The following CNOT6 variants were observed in gnomAD, a reference collection of about 807,000 sequenced individuals.
CNOT6 encodes the protein CCR4-NOT transcription complex subunit 6.
Under a neutral mutation model 61.2 loss-of-function variants are expected in CNOT6, and 12 were observed. The observed-to-expected ratio is 0.20, with a 90% CI of 0.13 to 0.32. CNOT6 has a LOEUF of 0.32. CNOT6 is among the 10% of genes least tolerant of loss of function. CNOT6 has a pLI of 1.00. For missense variants in CNOT6, 405 were observed against 663.9 expected, an observed-to-expected ratio of 0.61 and a Z score of 4.28; for synonymous variants, 225 against 240.6, an observed-to-expected ratio of 0.94 and a Z score of 0.60.
chr5:180,494,899 G>T (rs1756523767), intron 1 of CNOT6, 136 bp downstream of exon 1: 1 of 152,020 alleles, frequency 6.6e-6, no homozygotes. Flanking sequence ...TCCGCAAGCT[G>T]GCGGCTGTTG....
At chr5:180,512,110 C>T (rs1246822405) in intron 1 of CNOT6, among the ~76,000 whole-genome samples, 3 of 152,198 alleles carry the variant, frequency 2.0e-5, no homozygotes, top group African/African-American at 7.2e-5. Context: ...TTTTAGTCTA[C>T]TTGTGAAAGC....
intron 1 of CNOT6, among the ~76,000 whole-genome samples, chr5:180,524,445 CT>C (rs1006476110): frequency 9.4e-5 from 14 of 148,156 alleles, no homozygotes; most frequent in African/African-American, 2.0e-4. Flanking sequence ...TTATTCTAGC[CT>C]TTTTTTTTTA....
At chr5:180,565,010 A>G (rs1047334773) in intron 6 of CNOT6, among the ~76,000 whole-genome samples, 2 of 152,212 alleles carry the variant, frequency 1.3e-5, no homozygotes, top group Admixed American at 6.5e-5. Context: ...GACAATTTTG[A>G]TGGTCGTAAC....
intron 1 of CNOT6, among the ~76,000 whole-genome samples, chr5:180,508,717 A>T (rs1757243551): frequency 6.6e-6 from 1 of 151,878 alleles, no homozygotes; most frequent in Non-Finnish European, 1.5e-5. Context: ...CAATCTCTAG[A>T]GCTCAAGCAA....
chr5:180,513,600 C>A (rs1011094980), intron 1 of CNOT6, among the ~76,000 whole-genome samples: 4 of 151,970 alleles, frequency 2.6e-5, no homozygotes, highest in Non-Finnish European at 5.9e-5. Context: ...TCTTGAACTC[C>A]TGACCTCGTG....
chr5:180,565,186 G>A (rs947892170), intron 6 of CNOT6, among the ~76,000 whole-genome samples: 2 of 152,202 alleles, frequency 1.3e-5, no homozygotes, highest in African/African-American at 4.8e-5. Flanking sequence ...CACTTAAAAT[G>A]AATACACCCA....
chr5:180,549,566 A>G (rs375678794), intron 2 of CNOT6, among the ~76,000 whole-genome samples: 197 of 152,104 alleles, frequency 1.3e-3, no homozygotes, highest in Non-Finnish European at 1.5e-3. Context: ...GGAGAATGGC[A>G]TGAACCCGGG....
intron 1 of CNOT6, chr5:180,495,276 G>C (rs1352685219): frequency 6.6e-6 from 1 of 152,258 alleles, no homozygotes; most frequent in African/African-American, 2.4e-5. Context: ...GGGAGAGGAC[G>C]GGGTGGATTA....
intron 2 of CNOT6, among the ~76,000 whole-genome samples, chr5:180,536,397 G>A (rs1758701894): frequency 6.6e-6 from 1 of 152,036 alleles, no homozygotes; most frequent in Admixed American, 6.6e-5. Flanking sequence ...TCATTCTGTA[G>A]TGTTAATTAT....
intron 7 of CNOT6, 46 bp from the exon 8 acceptor site, chr5:180,567,042 C>A: frequency 1.3e-6 from 2 of 1,540,444 alleles, no homozygotes; most frequent in Non-Finnish European, 1.8e-6. Flanking sequence ...AATATGCAGA[C>A]TAATTTTTGT....
intron 1 of CNOT6, among the ~76,000 whole-genome samples, chr5:180,500,060 G>A (rs11957507): frequency 0.27 from 40,874 of 151,912 alleles, 6,134 homozygotes; most frequent in Middle Eastern, 0.41. Flanking sequence ...TCTAATTTGT[G>A]TATCAATCAC....
chr5:180,503,740 G>A (rs1756998721), intron 1 of CNOT6, among the ~76,000 whole-genome samples: 2 of 151,458 alleles, frequency 1.3e-5, no homozygotes, highest in South Asian at 4.2e-4. Context: ...CGAGTAGCTG[G>A]GACTACAGGC....
intron 3 of CNOT6, among the ~76,000 whole-genome samples, chr5:180,551,098 C>CT (rs1023754506): frequency 7.6e-4 from 115 of 151,660 alleles, no homozygotes; most frequent in African/African-American, 2.7e-3. Context: ...AATCCCAGTA[C>CT]TTTGAGTGGC....
Position 180,550,109 on chromosome 5 carries a change from A to G in CNOT6, c.291A>G (p.Val97=). 3.1e-6 allele frequency: 5 copies of G among 1,613,730 alleles called. No homozygotes were observed. The highest frequency in any genetic ancestry group is 2.5e-6 in the Non-Finnish European group (3 of 1,179,644). Residue 97 remains valine (V), a synonymous_variant, in exon 3 of 12, where the codon GTA becomes GTG. Transcript: ENST00000261951. ...RSLPAELGNM[V]SLRELHLNNN... ...TACCCGCAGAACTCGGAAACATGGT[A>G]TCACTCAGGTATGCAGATTCAACTT... is the stretch of plus-strand genomic sequence containing the variant.
At chr5:180,496,133 G>A (rs566729496) in intron 1 of CNOT6, among the ~76,000 whole-genome samples, 9 of 152,136 alleles carry the variant, frequency 5.9e-5, no homozygotes, top group Non-Finnish European at 1.0e-4. Context: ...CGACTCCAGG[G>A]CTCAAGCGAT....
chr5:180,564,602 T>A lies in CNOT6; in HGVS notation c.490+9T>A. ...AGGTACTGCAAAAAGAAGTAAGTGG[T>A]TATTTGTTTAAACCTTTTTATTAGG... is the stretch of plus-strand genomic sequence containing the variant. On this transcript the variant is annotated intron_variant, in intron 5 of 11. Transcript: ENST00000261951. 1.2e-6 allele frequency: 2 copies of A among 1,610,804 alleles called. No homozygotes were observed. The highest frequency in any genetic ancestry group is 1.7e-6 in the Non-Finnish European group (2 of 1,177,042).
In CNOT6 at chr5:180,563,061, C is replaced by T. The variant is rs371875944; in HGVS notation, c.386-1428C>T. 4.6e-5 allele frequency among the ~76,000 whole-genome samples: 7 copies of T among 152,244 alleles called. No individual in the cohort carries two copies. In the South Asian group the frequency reaches 8.3e-4, roughly 18 times the overall value. ...TCTTAGAATCCTAGAATCTTAAAAC[C>T]GAAAGATCTTAAAGATAAATGAACT... On this transcript the variant is annotated intron_variant, in intron 4 of 11. Coordinates refer to ENST00000261951, the MANE Select transcript of CNOT6 (RefSeq NM_001370472.1).
At chr5:180,525,207 C>T (rs1483668209) in intron 1 of CNOT6, among the ~76,000 whole-genome samples, 2 of 152,178 alleles carry the variant, frequency 1.3e-5, no homozygotes, top group African/African-American at 4.8e-5. Context: ...TTACTTCCTT[C>T]TGTGCTTTGA....
At chr5:180,506,258 A>G in intron 1 of CNOT6, among the ~76,000 whole-genome samples, 1 of 152,090 alleles carries the variant, frequency 6.6e-6, no homozygotes. Context: ...TGTGAGAATT[A>G]AATCAAGGTC....
Sources: allele counts gnomAD v4.1 joint callset (sites outside exome capture counted in the v4.1 genomes callset), GRCh38; gene constraint gnomAD v4.1.1; transcripts MANE v1.5; gene names NCBI Gene and HGNC (gene_info 2026-07-23, HGNC 2026-07-21).